CCDC60: variants seen among roughly 807,000 people sequenced by gnomAD.
CCDC60 encodes the protein coiled-coil domain containing 60.
In CCDC60, 54 loss-of-function variants were observed where a neutral mutation model predicts 63.5. That is an observed-to-expected ratio of 0.85 (90% CI 0.68 to 1.07). The LOEUF is 1.07. Among genes scored for constraint, CCDC60 ranks in the 50% least tolerant of loss-of-function variants. The pLI, the probability that CCDC60 is intolerant of heterozygous loss-of-function variation, is 0.00. For missense variants in CCDC60, 651 were observed against 684.3 expected (o/e 0.95, Z 0.54); for synonymous variants, 206 against 238.8 (o/e 0.86, Z 1.27).
chr12:119,432,865 TTAAA>T lies in CCDC60; in HGVS notation c.170+4109_170+4112del, dbSNP rs555569055. Among the ~76,000 whole-genome samples, 470 of 152,328 alleles carry T rather than the reference TTAAA, an allele frequency of 3.1e-3. 2 individuals are homozygous for T. The highest frequency in any genetic ancestry group is 0.01 in the African/African-American group (427 of 41,578). On this transcript the variant is annotated intron_variant, in intron 2 of 13. Transcript: ENST00000327554. ...TACATGAATTTACAATTAAGTACAA[TTAAA>T]TAAATTCTATTAAAGCACAGGTAAT...
intron 2 of CCDC60, among the ~76,000 whole-genome samples, chr12:119,469,697 G>A (rs972668157): frequency 6.6e-6 from 1 of 152,188 alleles, no homozygotes; most frequent in African/African-American, 2.4e-5. Flanking sequence ...TAAACCTATA[G>A]AGGCCACAAC....
intron 7 of CCDC60, among the ~76,000 whole-genome samples, chr12:119,514,505 A>T (rs953012330): frequency 1.3e-5 from 2 of 152,100 alleles, no homozygotes; most frequent in Non-Finnish European, 2.9e-5. Flanking sequence ...TTTAACAAAA[A>T]TGTTTTAAAA....
chr12:119,427,773 T>C (rs1161334846), intron 1 of CCDC60, among the ~76,000 whole-genome samples: 3 of 152,184 alleles, frequency 2.0e-5, no homozygotes, highest in African/African-American at 4.8e-5. Context: ...GACAAGATAA[T>C]CTAGGTAATA....
At chr12:119,391,651 C>T (rs957680347) in intron 1 of CCDC60, among the ~76,000 whole-genome samples, 35 of 152,372 alleles carry the variant, frequency 2.3e-4, no homozygotes, top group South Asian at 6.2e-4. Context: ...TCATGTGATG[C>T]TGCGGTGTCT....
intron 7 of CCDC60, among the ~76,000 whole-genome samples, chr12:119,513,741 T>C (rs1318177028): frequency 6.6e-6 from 1 of 152,218 alleles, no homozygotes; most frequent in African/African-American, 2.4e-5. Context: ...CATCATGATA[T>C]CATAGCACAC....
At chr12:119,425,478 C>T (rs1328896880) in intron 1 of CCDC60, among the ~76,000 whole-genome samples, 1 of 152,180 alleles carries the variant, frequency 6.6e-6, no homozygotes, top group Non-Finnish European at 1.5e-5. Flanking sequence ...GGATGTATTT[C>T]AGATAGAATT....
At chr12:119,425,563 A>T (rs1013658301) in intron 1 of CCDC60, among the ~76,000 whole-genome samples, 2 of 152,206 alleles carry the variant, frequency 1.3e-5, no homozygotes, top group African/African-American at 4.8e-5. Flanking sequence ...AAAAGTCAAG[A>T]TTCCAGTGAA....
At chr12:119,459,880 A>G (rs1470385723) in intron 2 of CCDC60, among the ~76,000 whole-genome samples, 4 of 152,218 alleles carry the variant, frequency 2.6e-5, no homozygotes, top group Non-Finnish European at 5.9e-5. Context: ...TGATTTGACT[A>G]TAATAAATCA....
chr12:119,369,779 G>C (rs1955879273), intron 1 of CCDC60, among the ~76,000 whole-genome samples: 1 of 152,300 alleles, frequency 6.6e-6, no homozygotes, highest in South Asian at 2.1e-4. Flanking sequence ...ACTATTGCCT[G>C]CTGCCTCCCA....
intron 3 of CCDC60, 37 bp downstream of exon 3, chr12:119,472,201 G>A: frequency 1.3e-6 from 2 of 1,599,556 alleles, no homozygotes; most frequent in Admixed American, 3.4e-5. Context: ...TGAAGGTTTT[G>A]GGAATGACCA....
intron 1 of CCDC60, among the ~76,000 whole-genome samples, chr12:119,428,301 C>T (rs1407137669): frequency 1.3e-5 from 2 of 152,132 alleles, no homozygotes; most frequent in Admixed American, 1.3e-4. Context: ...TAGTAGCTTC[C>T]ATTTATCTAA....
chr12:119,448,915 C>G (rs937821139), intron 2 of CCDC60, among the ~76,000 whole-genome samples: 4 of 152,150 alleles, frequency 2.6e-5, no homozygotes, highest in Non-Finnish European at 4.4e-5. Context: ...CAGCGTTACA[C>G]AAACGCTGAC....
intron 4 of CCDC60, among the ~76,000 whole-genome samples, chr12:119,487,267 G>T (rs1951468324): frequency 6.6e-6 from 1 of 150,874 alleles, no homozygotes; most frequent in Non-Finnish European, 1.5e-5. Context: ...GGAGGTGGGA[G>T]CGGTATATTA....
At chr12:119,339,093 T>C (rs1051563431) in intron 1 of CCDC60, among the ~76,000 whole-genome samples, 2 of 152,172 alleles carry the variant, frequency 1.3e-5, no homozygotes, top group Non-Finnish European at 2.9e-5. Context: ...AGCTTGCCCT[T>C]ATGTTGGGTT....
intron 2 of CCDC60, among the ~76,000 whole-genome samples, chr12:119,436,560 CAG>C (rs1421834573): frequency 1.5e-3 from 180 of 121,460 alleles, no homozygotes; most frequent in Middle Eastern, 4.5e-3. Context: ...TTTTTTGAGA[CAG>C]AGTTTCTCTC....
In CCDC60 at chr12:119,523,810, C is replaced by A; in HGVS notation, c.1221C>A (p.Ile407=). 2 of 1,614,090 alleles carry A rather than the reference C, an allele frequency of 1.2e-6. No individual in the cohort carries two copies. Among genetic ancestry groups the A allele is most frequent in the Non-Finnish European group, 8.5e-7 (1 of 1,179,982 alleles). ...TCTGCCTGCAGGACAAGATGGAAAT[C>A]CTCATGAAGTAAGCGCACATATATA... is the stretch of plus-strand genomic sequence containing the variant. The part of the protein sequence containing the change: ...AGFCLQDKME[I]LMKRQEERGI... Residue 407 remains isoleucine (I), a synonymous_variant, in exon 11 of 14, where the codon ATC becomes ATA. Coordinates refer to ENST00000327554, the MANE Select transcript of CCDC60 (RefSeq NM_178499.5).
intron 3 of CCDC60, among the ~76,000 whole-genome samples, chr12:119,474,301 G>T (rs187516856): frequency 2.0e-5 from 3 of 152,224 alleles, no homozygotes; most frequent in African/African-American, 7.2e-5. Flanking sequence ...CAAACTGCCA[G>T]GTCATTTGCC....
At chr12:119,439,522 A>G (rs1950397334) in intron 2 of CCDC60, among the ~76,000 whole-genome samples, 1 of 152,238 alleles carries the variant, frequency 6.6e-6, no homozygotes, top group African/African-American at 2.4e-5. Context: ...TATTGTTGCA[A>G]CAATGCTGAC....
At chr12:119,377,294 GA>G (rs1258653117) in intron 1 of CCDC60, among the ~76,000 whole-genome samples, 2 of 116,532 alleles carry the variant, frequency 1.7e-5, no homozygotes, top group Admixed American at 8.6e-5. Flanking sequence ...AAGAAAGAAA[GA>G]AAAAATTCCA....
Sources: allele counts gnomAD v4.1 joint callset (sites outside exome capture counted in the v4.1 genomes callset), GRCh38; gene constraint gnomAD v4.1.1; transcripts MANE v1.5; gene names NCBI Gene and HGNC (gene_info 2026-07-23, HGNC 2026-07-21).